CCSER1: variants seen among roughly 807,000 people sequenced by gnomAD.
The protein encoded by CCSER1 is serine-rich coiled-coil domain-containing protein 1.
A neutral mutation model predicts 82.0 loss-of-function variants in CCSER1; 41 were observed. That is an observed-to-expected ratio of 0.50 (90% CI 0.39 to 0.65). The LOEUF (loss-of-function observed/expected upper bound fraction) is 0.65. Ranked by LOEUF, CCSER1 falls within the 30% of genes least tolerant of loss-of-function variation. The probability of loss-of-function intolerance (pLI) is 0.00; values close to 1 mark genes in which losing one functional copy is unlikely to be tolerated. For missense variants in CCSER1, 1,119 were observed against 1,064.2 expected, an observed-to-expected ratio of 1.05 and a Z score of -0.72; for synonymous variants, 414 against 383.9, an observed-to-expected ratio of 1.08 and a Z score of -0.92.
chr4:90,975,487 A>G (rs1025922351), intron 9 of CCSER1, among the ~76,000 whole-genome samples: 1 of 150,612 alleles, frequency 6.6e-6, no homozygotes, highest in Non-Finnish European at 1.5e-5. Context: ...GAACTGAAAG[A>G]GTGAATTTTA....
intron 9 of CCSER1, among the ~76,000 whole-genome samples, chr4:91,014,244 G>A: frequency 7.5e-6 from 1 of 133,936 alleles, no homozygotes; most frequent in East Asian, 2.4e-4. Flanking sequence ...GAAATCTATA[G>A]CTATCTTTTA....
At chr4:90,961,911 C>A (rs928621745) in intron 9 of CCSER1, among the ~76,000 whole-genome samples, 1 of 151,924 alleles carries the variant, frequency 6.6e-6, no homozygotes, top group African/African-American at 2.4e-5. Flanking sequence ...AGCCTGATGG[C>A]ACCAACAGAA....
intron 10 of CCSER1, among the ~76,000 whole-genome samples, chr4:91,292,184 G>A (rs1743800397): frequency 6.6e-6 from 1 of 151,976 alleles, no homozygotes; most frequent in Non-Finnish European, 1.5e-5. Context: ...TGTTTGAGGA[G>A]CTGTATGTAC....
intron 10 of CCSER1, among the ~76,000 whole-genome samples, chr4:91,391,756 C>A (rs1268718916): frequency 6.6e-6 from 1 of 151,948 alleles, no homozygotes; most frequent in African/African-American, 2.4e-5. Context: ...TGTTTGGTGG[C>A]CCAGAATTTG....
chr4:91,276,366 C>A (rs1278971928), intron 10 of CCSER1, among the ~76,000 whole-genome samples: 1 of 140,082 alleles, frequency 7.1e-6, no homozygotes, highest in Non-Finnish European at 1.5e-5. Flanking sequence ...GGTCTTTCAT[C>A]TCCTTGAATA....
chr4:90,146,406 T>C (rs926496863), intron 1 of CCSER1, among the ~76,000 whole-genome samples: 2 of 152,078 alleles, frequency 1.3e-5, no homozygotes, highest in Non-Finnish European at 2.9e-5. Flanking sequence ...TTAGATCATC[T>C]TTTTCCTCTT....
chr4:90,429,236 G>T (rs1041317117), intron 4 of CCSER1, among the ~76,000 whole-genome samples: 1 of 151,736 alleles, frequency 6.6e-6, no homozygotes, highest in Admixed American at 6.6e-5. Context: ...AGGGTCAAAT[G>T]TGAAGTATTG....
intron 10 of CCSER1, among the ~76,000 whole-genome samples, chr4:91,581,063 C>A (rs920767750): frequency 3.3e-5 from 5 of 151,586 alleles, no homozygotes; most frequent in African/African-American, 1.2e-4. Context: ...AGACCTTCCA[C>A]AGATAAGGAC....
In CCSER1 at chr4:91,022,081, A is replaced by G. The variant is rs190522417; in HGVS notation, c.2173-63869A>G. Among the ~76,000 whole-genome samples, 8 of 151,838 alleles carry G rather than the reference A, an allele frequency of 5.3e-5. No individual in the cohort carries two copies. The East Asian group carries it at 1.6e-3, about 30-fold the overall frequency. On this transcript the variant is annotated intron_variant, in intron 9 of 10. Transcript: ENST00000509176. ...TTAGTTACATATGTATACATGTGCC[A>G]TGTTGGTGTGCTACACCCATTAACT...
chr4:90,186,850 C>G (rs1560764327), intron 1 of CCSER1, among the ~76,000 whole-genome samples: 1 of 151,972 alleles, frequency 6.6e-6, no homozygotes, highest in South Asian at 2.1e-4. Flanking sequence ...TTTTTCCCCC[C>G]CATGGTGTAG....
intron 5 of CCSER1, among the ~76,000 whole-genome samples, chr4:90,615,609 GA>G (rs1721037730): frequency 6.6e-6 from 1 of 151,912 alleles, no homozygotes; most frequent in Admixed American, 6.6e-5. Flanking sequence ...AGTGGACCCT[GA>G]ATATGTAACT....
intron 10 of CCSER1, among the ~76,000 whole-genome samples, chr4:91,472,718 A>T (rs539823147): frequency 6.6e-6 from 1 of 152,272 alleles, no homozygotes; most frequent in South Asian, 2.1e-4. Context: ...ACCCTTGAAT[A>T]ATATAGAGAC....
chr4:90,932,769 A>T lies in CCSER1; in HGVS notation c.2172+9322A>T, dbSNP rs111457896. Reference sequence around the variant, plus strand: ...CTTGAACCCGAGAGGCAGAGGTTGCAGTGAGCCGAGATTGTGCCACTGTAC... The same window carrying T: ...CTTGAACCCGAGAGGCAGAGGTTGCTGTGAGCCGAGATTGTGCCACTGTAC... On this transcript the variant is annotated intron_variant, in intron 9 of 10. Transcript: ENST00000509176. 9.6e-3 allele frequency among the ~76,000 whole-genome samples: 1,348 copies of T among 140,084 alleles called. 16 individuals carry two copies. The highest frequency in any genetic ancestry group is 0.033 in the African/African-American group (1,227 of 37,072). The allele number at this position is 140,084 out of a possible 152,430, so 91.9% of individuals were successfully genotyped here. A position where few individuals can be genotyped will look rare whatever the true frequency, so the allele number is the denominator to read the frequency against.
chr4:90,881,558 GC>G (rs1360989101), intron 8 of CCSER1, among the ~76,000 whole-genome samples: 1 of 152,130 alleles, frequency 6.6e-6, no homozygotes, highest in Non-Finnish European at 1.5e-5. Context: ...GACTGTCTGA[GC>G]TCAGGAGTTT....
chr4:90,227,669 G>A (rs1321629632), intron 1 of CCSER1, among the ~76,000 whole-genome samples: 5 of 152,336 alleles, frequency 3.3e-5, no homozygotes, highest in Admixed American at 6.5e-5. Flanking sequence ...CAGCGTGAGC[G>A]ACGCAGAAGA....
At chr4:91,551,656 A>AACACACACACACACACAC (rs58159693) in intron 10 of CCSER1, among the ~76,000 whole-genome samples, 1 of 139,434 alleles carries the variant, frequency 7.2e-6, no homozygotes, top group East Asian at 2.1e-4. Flanking sequence ...GCAAAAAACA[A>AACACACACACACACACAC]ACACACACAC....
intron 10 of CCSER1, among the ~76,000 whole-genome samples, chr4:91,119,868 T>C (rs1561563819): frequency 6.6e-6 from 1 of 152,000 alleles, no homozygotes; most frequent in Non-Finnish European, 1.5e-5. Flanking sequence ...AGAATTCTTA[T>C]TTTGTATAGG....
At chr4:90,305,544 A>C (rs1734109468) in intron 1 of CCSER1, among the ~76,000 whole-genome samples, 1 of 152,228 alleles carries the variant, frequency 6.6e-6, no homozygotes, top group Non-Finnish European at 1.5e-5. Context: ...GGAAAATCTA[A>C]GCTGTGAGGA....
At chr4:91,282,120 T>G (rs1742958136) in intron 10 of CCSER1, among the ~76,000 whole-genome samples, 1 of 152,106 alleles carries the variant, frequency 6.6e-6, no homozygotes, top group Non-Finnish European at 1.5e-5. Flanking sequence ...AAATCAGCCT[T>G]GTATAGTGAA....
Sources: gnomAD v4.1 joint callset for allele counts (sites outside exome capture counted in the v4.1 genomes callset) on GRCh38, gnomAD v4.1.1 for gene constraint, MANE v1.5 for transcripts, NCBI Gene and HGNC (gene_info 2026-07-23, HGNC 2026-07-21) for gene names.